MAPK8IP3: variants seen among roughly 807,000 people sequenced by gnomAD.
MAPK8IP3 encodes mitogen-activated protein kinase 8 interacting protein 3.
MAPK8IP3 carries 49 observed loss-of-function variants against 157.8 expected under a neutral mutation model. The ratio of observed to expected loss-of-function variants is 0.31; its 90% confidence interval spans 0.25 to 0.39. The LOEUF (loss-of-function observed/expected upper bound fraction) is 0.39, where lower values mean the gene tolerates loss of function less well. Among genes scored for constraint, MAPK8IP3 ranks in the 10% least tolerant of loss-of-function variants. The pLI is 1.00. For missense variants in MAPK8IP3, 1,478 were observed against 1,889.4 expected, an observed-to-expected ratio of 0.78 and a Z score of 4.04; for synonymous variants, 897 against 777.7, an observed-to-expected ratio of 1.15 and a Z score of -2.55.
At chr16:1,750,181 A>G (rs545780494) in intron 8 of MAPK8IP3, among the ~76,000 whole-genome samples, 113 of 152,018 alleles carry the variant, frequency 7.4e-4, no homozygotes, top group African/African-American at 2.6e-3. Context: ...CTATCCTTCC[A>G]CTCTACATAA....
chr16:1,766,476 T>C, intron 22 of MAPK8IP3, 53 bp from the exon 23 acceptor site: 3 of 1,602,546 alleles, frequency 1.9e-6, no homozygotes, highest in Admixed American at 3.3e-5. Context: ...CTCGGGGTCT[T>C]GGGGCAGGTG....
rs576550218 is a variant in MAPK8IP3, at chr16:1,738,715, C to T, written c.603-4617C>T. 8.9e-3 allele frequency among the ~76,000 whole-genome samples: 1,051 copies of T among 117,938 alleles called. 12 individuals are homozygous for T. Among genetic ancestry groups the T allele is most frequent in the Admixed American group, 0.012 (134 of 11,056 alleles). The allele number at this position is 117,938 out of a possible 152,430, so 77.4% of individuals were successfully genotyped here. ...AGCATCCATGTGAGCGTGTGAGCAT[C>T]CGTGTGAGTGTGACCACCCATGTGA... On this transcript the variant is annotated intron_variant, in intron 4 of 31. Coordinates refer to ENST00000610761, the MANE Select transcript of MAPK8IP3 (RefSeq NM_001318852.2).
At chr16:1,717,857 T>C (rs1224673530) in intron 1 of MAPK8IP3, among the ~76,000 whole-genome samples, 1 of 146,610 alleles carries the variant, frequency 6.8e-6, no homozygotes, top group Non-Finnish European at 1.5e-5. Context: ...TTCTTGGTTC[T>C]CTTTTTTTTT....
rs567728055 is a variant in MAPK8IP3 at position 1,742,848 on chromosome 16, C to T, written c.603-484C>T. 2.0e-4 allele frequency among the ~76,000 whole-genome samples: 30 copies of T among 152,170 alleles called. No homozygotes were observed. Among genetic ancestry groups the T allele is most frequent in the African/African-American group, 6.7e-4 (28 of 41,502 alleles). On this transcript the variant is annotated intron_variant, in intron 4 of 31. Coordinates refer to ENST00000610761, the MANE Select transcript of MAPK8IP3 (RefSeq NM_001318852.2). The surrounding 1 kb of genome is among the most constrained non-coding windows in gnomAD (Gnocchi z 5.0). ...TGTTTAAAATTGAACTTAGGCCGGG[C>T]GCGGTGGCTCACGCCTGTAATCCCA...
chr16:1,762,767 C>A, intron 15 of MAPK8IP3, 36 bp downstream of exon 15: 1 of 1,588,698 alleles, frequency 6.3e-7, no homozygotes. Context: ...TGGGCAGCAG[C>A]TGCAGGGGAA....
rs554103779 is a variant in MAPK8IP3 at position 1,759,059 on chromosome 16, T to G, written c.1246+64T>G. 1.7e-4 allele frequency: 267 copies of G among 1,601,862 alleles called. 4 individuals carry two copies. The East Asian group carries it at 5.7e-3, about 34-fold the overall frequency. On this transcript the variant is annotated intron_variant, in intron 10 of 31. Coordinates refer to ENST00000610761, the MANE Select transcript of MAPK8IP3 (RefSeq NM_001318852.2). ...CACCCCGACATGGTCTCCTGCTTCA[T>G]GAGCCGTTTGCTTTGTTCTGCATGA...
intron 1 of MAPK8IP3, among the ~76,000 whole-genome samples, chr16:1,711,012 C>A (rs1157694032): frequency 6.6e-6 from 1 of 152,230 alleles, no homozygotes; most frequent in Non-Finnish European, 1.5e-5. Context: ...GCGCAGCCTG[C>A]CCCTCTGCCG....
rs2040774139 is a variant in MAPK8IP3 at position 1,743,104 on chromosome 16, A to G, written c.603-228A>G. On this transcript the variant is annotated intron_variant, in intron 4 of 31. Coordinates refer to ENST00000610761, the MANE Select transcript of MAPK8IP3 (RefSeq NM_001318852.2). This position sits in a 1 kb window ranked among gnomAD's most constrained non-coding sequence, Gnocchi z 5.6. ...AGCGAGACTCCGCCTCAAAAAAAAT[A>G]AAATAAAATAAAATAAAATAAAATT... Among the ~76,000 whole-genome samples, 1 of 152,022 alleles carries G rather than the reference A, an allele frequency of 6.6e-6. No homozygotes were observed. The highest frequency in any genetic ancestry group is 2.1e-4 in the South Asian group (1 of 4,820).
intron 12 of MAPK8IP3, among the ~76,000 whole-genome samples, 185 bp from the exon 13 acceptor site, chr16:1,761,039 C>T (rs999041754): frequency 6.6e-6 from 1 of 152,236 alleles, no homozygotes; most frequent in Non-Finnish European, 1.5e-5. Flanking sequence ...GGCCACCTGT[C>T]CCCAGGGAAC....
Position 1,743,496 on chromosome 16 carries a change from G to A in MAPK8IP3, c.747+20G>A. Reference sequence around the variant, plus strand: ...TACCAGGTTTTGTAGCCGTGCCGTGGAGTGAGAGGCTCCTCCCTGTTGCTG... The same window carrying A: ...TACCAGGTTTTGTAGCCGTGCCGTGAAGTGAGAGGCTCCTCCCTGTTGCTG... On this transcript the variant is annotated intron_variant, in intron 5 of 31. Transcript: ENST00000610761. This position sits in a 1 kb window ranked among gnomAD's most constrained non-coding sequence, Gnocchi z 5.6. 6.2e-7 allele frequency: 1 copy of A among 1,605,704 alleles called. No homozygotes were observed. The highest frequency in any genetic ancestry group is 8.5e-7 in the Non-Finnish European group (1 of 1,178,186).
chr16:1,730,840 CAA>C (rs72481919), intron 4 of MAPK8IP3, among the ~76,000 whole-genome samples: 16 of 56,182 alleles, frequency 2.8e-4, no homozygotes, highest in Admixed American at 4.1e-4. Context: ...GAGACTCTGT[CAA>C]AAAAAAAAAA....
chr16:1,763,706 C>G lies in MAPK8IP3; in HGVS notation c.1948C>G (p.Gln650Glu). The G allele has an allele frequency of 6.3e-7, 1 of 1,597,468 alleles. No homozygotes were observed. Among genetic ancestry groups the G allele is most frequent in the Non-Finnish European group, 8.5e-7 (1 of 1,171,316 alleles). ...RREQKREQYRQVREHVRNDDG... is the reference protein window; with the variant it reads ...RREQKREQYREVREHVRNDDG... ...AGAGCAGAAGCGCGAGCAGTACCGC[C>G]AGGTGCGTGAGCACGTGCGTAACGA... The change falls in exon 17 of 32, where the codon CAG (glutamine) becomes GAG (glutamate). Residue 650 changes from glutamine to glutamate, a missense_variant. Physicochemically the swap from Gln to Glu is conservative, Grantham distance 29. Around this residue, in one of 11 missense-constraint regions of MAPK8IP3, gnomAD observed 669 missense variants for 759.8 expected, o/e 0.88. Coordinates refer to ENST00000610761, the MANE Select transcript of MAPK8IP3 (RefSeq NM_001318852.2).
chr16:1,765,027 T>C lies in MAPK8IP3; in HGVS notation c.2295T>C (p.Pro765=), dbSNP rs1407670063. 6.2e-7 allele frequency: 1 copy of C among 1,608,338 alleles called. No individual in the cohort carries two copies. The highest frequency in any genetic ancestry group is 1.1e-5 in the South Asian group (1 of 90,968). The change falls in exon 20 of 32, where the codon CCT becomes CCC. Residue 765 remains proline (P), a synonymous_variant. Coordinates refer to ENST00000610761, the MANE Select transcript of MAPK8IP3 (RefSeq NM_001318852.2). ...SPEKKKAKEL[P]EMDATSSRVW... is the part of the protein sequence containing the mutation. Reference sequence around the variant, plus strand: ...CCCTGAAACAGGCCAAGGAGCTCCCTGAAATGGACGCCACCTCCAGCCGGG... The same window carrying C: ...CCCTGAAACAGGCCAAGGAGCTCCCCGAAATGGACGCCACCTCCAGCCGGG...
At chr16:1,727,324 G>A (rs746726101) in intron 2 of MAPK8IP3, among the ~76,000 whole-genome samples, 2 of 151,124 alleles carry the variant, frequency 1.3e-5, no homozygotes, top group African/African-American at 4.9e-5. Context: ...TGCTGTGTGC[G>A]GCGTCTGTGT....
intron 4 of MAPK8IP3, among the ~76,000 whole-genome samples, chr16:1,735,990 GC>G (rs2039730868): frequency 6.9e-6 from 1 of 144,088 alleles, no homozygotes; most frequent in Non-Finnish European, 1.5e-5. Context: ...GTCCATGTGA[GC>G]ATCCGTGTGA....
intron 2 of MAPK8IP3, among the ~76,000 whole-genome samples, chr16:1,727,815 A>T (rs2038994669): frequency 6.6e-6 from 1 of 152,162 alleles, no homozygotes; most frequent in South Asian, 2.1e-4. Flanking sequence ...CGCGGCCTCC[A>T]AGGATGTGCC....
At chr16:1,712,472 G>A (rs2037854343) in intron 1 of MAPK8IP3, among the ~76,000 whole-genome samples, 1 of 152,110 alleles carries the variant, frequency 6.6e-6, no homozygotes, top group South Asian at 2.1e-4. Context: ...CACTTTGCCA[G>A]CCCAGAGAAC....
intron 1 of MAPK8IP3, among the ~76,000 whole-genome samples, chr16:1,718,430 C>G (rs1320230964): frequency 6.6e-6 from 1 of 151,860 alleles, no homozygotes. Context: ...GTGATCCCCC[C>G]ACCTCGGCCT....
rs749561611 is a variant in MAPK8IP3, at chr16:1,762,314, G to A, written c.1540-37G>A. The stretch of plus-strand genomic sequence containing the variant: ...AGGAAGCAGGTGTCACCCGGCCTCC[G>A]AGGGCTGGCTGAGCCTCTGTGCCCC... On this transcript the variant is annotated intron_variant, in intron 13 of 31. Transcript: ENST00000610761. 2.6e-5 allele frequency: 40 copies of A among 1,540,364 alleles called. No homozygotes were observed. In the Admixed American group the frequency reaches 3.3e-4, roughly 13 times the overall value.
Sources: gnomAD v4.1 joint callset for allele counts (sites outside exome capture counted in the v4.1 genomes callset) on GRCh38, gnomAD v4.1.1 for gene constraint, gnomAD v4.1.1 regional missense constraint, Gnocchi (gnomAD v3.1) non-coding constraint, MANE v1.5 for transcripts, NCBI Gene and HGNC (gene_info 2026-07-23, HGNC 2026-07-21) for gene names.